PHACTR2: variants seen among roughly 807,000 people sequenced by gnomAD.
PHACTR2 encodes the protein chromosome 6 open reading frame 56.
A neutral mutation model predicts 76.0 loss-of-function variants in PHACTR2; 30 were observed. The ratio of observed to expected loss-of-function variants is 0.39; its 90% CI spans 0.30 to 0.54. The LOEUF is 0.54. Among genes scored for constraint, PHACTR2 ranks in the 20% least tolerant of loss-of-function variants. The probability of loss-of-function intolerance (pLI) is 0.61; values close to 1 mark genes in which losing one functional copy is unlikely to be tolerated. For missense variants in PHACTR2, 696 were observed against 781.1 expected (o/e 0.89, Z 1.30); for synonymous variants, 292 against 292.5 (o/e 1.00, Z 0.02).
At chr6:143,629,711 A>C (rs1035351085) in intron 1 of PHACTR2, among the ~76,000 whole-genome samples, 4 of 151,990 alleles carry the variant, frequency 2.6e-5, no homozygotes, top group African/African-American at 9.7e-5. Context: ...TGCCAAGAGG[A>C]GGAAAAAATT....
chr6:143,761,613 G>T lies in PHACTR2; in HGVS notation c.694+973G>T, dbSNP rs537129237. Among the ~76,000 whole-genome samples the T allele has an allele frequency of 1.2e-4, 19 of 152,084 alleles. No homozygotes were observed. The highest frequency in any genetic ancestry group is 3.9e-4 in the African/African-American group (16 of 41,396). On this transcript the variant is annotated intron_variant, in intron 5 of 12. Coordinates refer to ENST00000440869, the MANE Select transcript of PHACTR2 (RefSeq NM_001100164.2). The surrounding 1 kb of genome is among the most constrained non-coding windows in gnomAD (Gnocchi z 5.2). ...TGCTAAAAATACAAGAATTAGCCAGGCGTCGTGGCGTGCACCTCTAATCCC... is the reference window on the plus strand; with the variant it reads ...TGCTAAAAATACAAGAATTAGCCAGTCGTCGTGGCGTGCACCTCTAATCCC...
In PHACTR2 at chr6:143,618,847, C is replaced by T. The variant is rs1340491822; in HGVS notation, c.13+10525C>T. On this transcript the variant is annotated intron_variant, in intron 1 of 11. Transcript: ENST00000305766. This position sits in a 1 kb window ranked among gnomAD's most constrained non-coding sequence, Gnocchi z 5.2. ...AAACTCTCTTCTACCCCTGTTGGAA[C>T]ACGTAGCAGATATACCATCATGCTG... 6.6e-6 allele frequency among the ~76,000 whole-genome samples: 1 copy of T among 152,082 alleles called. No homozygotes were observed. The highest frequency in any genetic ancestry group is 1.5e-5 in the Non-Finnish European group (1 of 68,028).
rs71024861 is a variant in PHACTR2, at chr6:143,627,606, C to CTTTT, written c.13+19294_13+19297dup. ...CACAATGTTGTACAACCACCACTTC[C>CTTTT]TTTTTTTTTTTTTGAGAAGAAGTCT... is the stretch of plus-strand genomic sequence containing the variant. On this transcript the variant is annotated intron_variant, in intron 1 of 11. Coordinates refer to the PHACTR2 transcript ENST00000305766. The surrounding 1 kb of genome is among the most constrained non-coding windows in gnomAD (Gnocchi z 4.3). Among the ~76,000 whole-genome samples, 643 of 144,866 alleles carry CTTTT rather than the reference C, an allele frequency of 4.4e-3. 4 individuals carry two copies. The highest frequency in any genetic ancestry group is 7.5e-3 in the Non-Finnish European group (500 of 66,292).
intron 12 of PHACTR2, among the ~76,000 whole-genome samples, chr6:143,814,689 G>C (rs1019764161): frequency 7.1e-6 from 1 of 141,384 alleles, no homozygotes; most frequent in East Asian, 2.2e-4. Flanking sequence ...TGCAAGCTCC[G>C]CCTCCTCGGT....
In PHACTR2 at chr6:143,821,324, T is replaced by A. The variant is rs1776413118; in HGVS notation, c.1923-2350T>A. 6.6e-6 allele frequency among the ~76,000 whole-genome samples: 1 copy of A among 152,258 alleles called. No homozygotes were observed. Among genetic ancestry groups the A allele is most frequent in the African/African-American group, 2.4e-5 (1 of 41,470 alleles). On this transcript the variant is annotated intron_variant, in intron 12 of 12. Transcript: ENST00000440869. This position sits in a 1 kb window ranked among gnomAD's most constrained non-coding sequence, Gnocchi z 5.2. ...ACACAGAAGTAATATAAGTCCCTCG[T>A]ATCCAACTAGCAGCTCCTCAGTTAT...
At chr6:143,788,200 A>T (rs1479425929) in intron 10 of PHACTR2, among the ~76,000 whole-genome samples, 1 of 152,160 alleles carries the variant, frequency 6.6e-6, no homozygotes, top group Non-Finnish European at 1.5e-5. Context: ...ATTCGTGTAC[A>T]TCGGTTTTTC....
rs192304824 is a variant in PHACTR2 at position 143,758,154 on chromosome 6, A to C, written c.455-2247A>C. Among the ~76,000 whole-genome samples, 1,013 of 152,294 alleles carry C rather than the reference A, an allele frequency of 6.7e-3. 6 individuals carry two copies. The highest frequency in any genetic ancestry group is 0.01 in the Non-Finnish European group (691 of 68,012). On this transcript the variant is annotated intron_variant, in intron 4 of 12. Transcript: ENST00000440869. Reference sequence around the variant, plus strand: ...TCATTGCCAACCAATCTGGTGAACTATCTCCTCCTTCCCAAACCCAGAAGC... The same window carrying C: ...TCATTGCCAACCAATCTGGTGAACTCTCTCCTCCTTCCCAAACCCAGAAGC...
rs1270941909 is a variant in PHACTR2 at position 143,596,519 on chromosome 6, G to A, written c.217+59312G>A. Among the ~76,000 whole-genome samples the A allele has an allele frequency of 6.6e-6, 1 of 152,130 alleles. No homozygotes were observed. Among genetic ancestry groups the A allele is most frequent in the Non-Finnish European group, 1.5e-5 (1 of 68,036 alleles). The stretch of plus-strand genomic sequence containing the variant: ...AGGTTTTCGACAAGTGAATGTTTTT[G>A]AAAACACCAAAACTCTGTGTAAGAA... On this transcript the variant is annotated intron_variant, in intron 1 of 11. Transcript: ENST00000367584. The surrounding 1 kb of genome is among the most constrained non-coding windows in gnomAD (Gnocchi z 4.6).
rs549211413 is a variant in PHACTR2, at chr6:143,546,054, C to A, written c.217+8847C>A. The stretch of plus-strand genomic sequence containing the variant: ...CATGCCCAAGAACCATATCTTGTCT[C>A]AAGGTACAAGTGTAGTTTCGGTTAC... On this transcript the variant is annotated intron_variant, in intron 1 of 11. Coordinates refer to the PHACTR2 transcript ENST00000367584. This position sits in a 1 kb window ranked among gnomAD's most constrained non-coding sequence, Gnocchi z 4.9. Among the ~76,000 whole-genome samples the A allele has an allele frequency of 3.9e-4, 60 of 152,262 alleles. No individual in the cohort carries two copies. The highest frequency in any genetic ancestry group is 6.8e-3 in the Middle Eastern group (2 of 294).
chr6:143,786,872 C>A (rs184147478), intron 10 of PHACTR2, among the ~76,000 whole-genome samples: 166 of 152,308 alleles, frequency 1.1e-3, no homozygotes, highest in African/African-American at 3.8e-3. Flanking sequence ...AGATACAATT[C>A]AAGTTGAGAT....
In PHACTR2 at chr6:143,621,801, C is replaced by T. The variant is rs1295680043; in HGVS notation, c.13+13479C>T. Among the ~76,000 whole-genome samples, 1 of 152,154 alleles carries T rather than the reference C, an allele frequency of 6.6e-6. No individual in the cohort carries two copies. Among genetic ancestry groups the T allele is most frequent in the Non-Finnish European group, 1.5e-5 (1 of 68,028 alleles). On this transcript the variant is annotated intron_variant, in intron 1 of 11. Coordinates refer to the PHACTR2 transcript ENST00000305766. This position sits in a 1 kb window ranked among gnomAD's most constrained non-coding sequence, Gnocchi z 4.1. Reference sequence around the variant, plus strand: ...TACGTGGACTTTAAATCTTTGCGAACAGTAGCTCATTTCTTCCTCTCAGCT... The same window carrying T: ...TACGTGGACTTTAAATCTTTGCGAATAGTAGCTCATTTCTTCCTCTCAGCT...
chr6:143,691,695 G>T (rs1471451576), intron 1 of PHACTR2, among the ~76,000 whole-genome samples: 24 of 152,116 alleles, frequency 1.6e-4, no homozygotes, highest in Admixed American at 1.6e-3. Flanking sequence ...TTCATCTGGG[G>T]TTGCTGCATA....
intron 12 of PHACTR2, among the ~76,000 whole-genome samples, chr6:143,817,264 TA>T (rs769680373): frequency 1.7e-4 from 26 of 152,232 alleles, no homozygotes; most frequent in Non-Finnish European, 3.4e-4. Context: ...GAATGTTTGG[TA>T]CGCAAAGCCC....
At chr6:143,576,604 C>T (rs1427722789) in intron 1 of PHACTR2, among the ~76,000 whole-genome samples, 3 of 152,162 alleles carry the variant, frequency 2.0e-5, no homozygotes, top group Non-Finnish European at 4.4e-5. Flanking sequence ...GGGCTGGGAG[C>T]GGTGGCTCAG....
chr6:143,765,468 A>G lies in PHACTR2; in HGVS notation c.902A>G (p.Asp301Gly). Residue 301 changes from aspartate to glycine, a missense_variant, in exon 6 of 13, where the codon GAC becomes GGC. Asp to Gly is a moderately conservative substitution (Grantham distance 94, BLOSUM62 -1). Around this residue, in one of 2 missense-constraint regions of PHACTR2, gnomAD observed 460 missense variants for 450.9 expected, o/e 1.02. Coordinates refer to ENST00000440869, the MANE Select transcript of PHACTR2 (RefSeq NM_001100164.2). The surrounding 1 kb of genome is among the most constrained non-coding windows in gnomAD (Gnocchi z 4.1). ...GACACAACAACTTCTGGCACATCCG[A>G]CCTGAAAGGAGAGCCTGCAGAGACC... is the stretch of plus-strand genomic sequence containing the variant. ...SSDTTTSGTS[D>G]LKGEPAETRV... The G allele has an allele frequency of 6.2e-7, 1 of 1,614,192 alleles. No individual in the cohort carries two copies. The highest frequency in any genetic ancestry group is 8.5e-7 in the Non-Finnish European group (1 of 1,180,042).
Position 143,738,977 on chromosome 6 carries a change from G to A in PHACTR2, c.215-10008G>A, listed in dbSNP as rs531108356. ...GTGTTAGAAGTTCAGGCTCTCTGGA[G>A]CTTCTCTTCCAATGGCTATTGTTTA... On this transcript the variant is annotated intron_variant, in intron 2 of 12. Transcript: ENST00000440869. The surrounding 1 kb of genome is among the most constrained non-coding windows in gnomAD (Gnocchi z 4.0). 8.7e-4 allele frequency among the ~76,000 whole-genome samples: 132 copies of A among 152,278 alleles called. No individual in the cohort carries two copies. Among genetic ancestry groups the A allele is most frequent in the Non-Finnish European group, 1.5e-3 (105 of 68,020 alleles).
intron 1 of PHACTR2, among the ~76,000 whole-genome samples, chr6:143,691,025 A>C (rs1413921862): frequency 2.0e-5 from 3 of 152,226 alleles, no homozygotes; most frequent in African/African-American, 7.2e-5. Flanking sequence ...CCTAGTGTGC[A>C]AAATACTGAT....
At chr6:143,628,907 A>G (rs1162895940) in intron 1 of PHACTR2, among the ~76,000 whole-genome samples, 5 of 132,876 alleles carry the variant, frequency 3.8e-5, no homozygotes, top group South Asian at 2.6e-4. Context: ...AAAGAAGATG[A>G]ATGTTTAAAT....
chr6:143,643,291 G>C (rs760901759), intron 1 of PHACTR2, among the ~76,000 whole-genome samples: 1 of 152,016 alleles, frequency 6.6e-6, no homozygotes, highest in Non-Finnish European at 1.5e-5. Flanking sequence ...CAAATTTAAC[G>C]TCCCTTCTAG....
Sources: gnomAD v4.1 joint callset for allele counts (sites outside exome capture counted in the v4.1 genomes callset) on GRCh38, gnomAD v4.1.1 for gene constraint, gnomAD v4.1.1 regional missense constraint, Gnocchi (gnomAD v3.1) non-coding constraint, MANE v1.5 for transcripts, NCBI Gene and HGNC (gene_info 2026-07-23, HGNC 2026-07-21) for gene names.